NBAS: variants seen among roughly 807,000 people sequenced by gnomAD.
NBAS encodes NBAS subunit of NRZ tethering complex.
Under a neutral mutation model 302.5 loss-of-function variants are expected in NBAS, and 219 were observed. The observed-to-expected ratio is 0.72, with a 90% CI of 0.65 to 0.81. The LOEUF is 0.81. Among genes scored for constraint, NBAS ranks in the 30% least tolerant of loss-of-function variants. NBAS has a pLI of 0.00. For synonymous variants in NBAS, 1,118 were observed against 1,021.6 expected, an observed-to-expected ratio of 1.09 and a Z score of -1.80; for missense variants, 2,932 against 2,841.6, an observed-to-expected ratio of 1.03 and a Z score of -0.72.
At chr2:15,132,999 A>G in the NBAS span, among the ~76,000 whole-genome samples, 1 of 152,250 alleles carries the variant, frequency 6.6e-6, no homozygotes, top group Non-Finnish European at 1.5e-5. Flanking sequence ...ATATATTTGA[A>G]TAAGAAATAA....
chr2:15,198,648 G>C (rs373325020), intron 48 of NBAS, among the ~76,000 whole-genome samples: 1 of 152,182 alleles, frequency 6.6e-6, no homozygotes, highest in Non-Finnish European at 1.5e-5. Context: ...ACTGATGCCA[G>C]TTCCTCTGAG....
rs182473450 is a variant in NBAS at position 15,270,742 on chromosome 2, T to C, written c.5724+4742A>G. ...TTCTCAATTAACATAACTTAAAAAT[T>C]CTTTTACTGTATAATTTTTAAAAAC... is the stretch of plus-strand genomic sequence containing the variant. On this transcript the variant is annotated intron_variant, in intron 44 of 51. Coordinates refer to ENST00000281513, the MANE Select transcript of NBAS (RefSeq NM_015909.4). Among the ~76,000 whole-genome samples, 13 of 152,320 alleles carry C rather than the reference T, an allele frequency of 8.5e-5. No homozygotes were observed. In the South Asian group the frequency reaches 1.4e-3, roughly 17 times the overall value.
the NBAS span, among the ~76,000 whole-genome samples, chr2:14,993,301 G>A: frequency 1.4e-4 from 21 of 152,064 alleles, no homozygotes; most frequent in Non-Finnish European, 7.4e-5. Context: ...ACTCACAATG[G>A]TCCCGTTTAT....
chr2:14,945,179 A>T, the NBAS span, among the ~76,000 whole-genome samples: 1 of 152,298 alleles, frequency 6.6e-6, no homozygotes, highest in Admixed American at 6.5e-5. Flanking sequence ...CCCCTTTGGG[A>T]CTTCCCCCAT....
the NBAS span, among the ~76,000 whole-genome samples, chr2:14,979,319 G>A: frequency 6.6e-6 from 1 of 152,136 alleles, no homozygotes; most frequent in Non-Finnish European, 1.5e-5. Context: ...GTCTGCTAGT[G>A]TCCTCTTAGG....
At chr2:14,789,504 C>T in the NBAS span, among the ~76,000 whole-genome samples, 1 of 152,128 alleles carries the variant, frequency 6.6e-6, no homozygotes, top group Non-Finnish European at 1.5e-5. Flanking sequence ...TTCTAAAACT[C>T]TGATATTTTA....
chr2:15,020,984 C>T, the NBAS span, among the ~76,000 whole-genome samples: 1 of 152,178 alleles, frequency 6.6e-6, no homozygotes, highest in Non-Finnish European at 1.5e-5. Context: ...ATAATCCCAG[C>T]ACTTTGGTAG....
the NBAS span, among the ~76,000 whole-genome samples, chr2:14,921,301 A>G: frequency 3.2e-4 from 48 of 152,272 alleles, no homozygotes; most frequent in East Asian, 8.7e-3. Flanking sequence ...CAAAACAATT[A>G]TAATAGTAAC....
At chr2:14,876,767 T>C in the NBAS span, among the ~76,000 whole-genome samples, 8 of 152,230 alleles carry the variant, frequency 5.3e-5, no homozygotes, top group African/African-American at 1.9e-4. Context: ...TGTTGGCTGA[T>C]CATTCTTTTA....
the NBAS span, among the ~76,000 whole-genome samples, chr2:14,896,635 G>T: frequency 6.6e-6 from 1 of 151,908 alleles, no homozygotes; most frequent in Non-Finnish European, 1.5e-5. Context: ...GCAAAACCAG[G>T]AGCACTGACT....
the NBAS span, among the ~76,000 whole-genome samples, chr2:14,807,454 A>AGTGTGT: frequency 1.2e-4 from 18 of 147,342 alleles, no homozygotes; most frequent in African/African-American, 3.4e-4. Context: ...TGTGTGTGTG[A>AGTGTGT]GTGTGTGTGT....
chr2:15,425,639 T>C (rs1375103108), intron 22 of NBAS, among the ~76,000 whole-genome samples: 1 of 152,186 alleles, frequency 6.6e-6, no homozygotes, highest in African/African-American at 2.4e-5. Context: ...GGAATGGTCC[T>C]TCACTTACTA....
chr2:15,150,245 C>G, the NBAS span, among the ~76,000 whole-genome samples: 3 of 151,978 alleles, frequency 2.0e-5, no homozygotes, highest in Admixed American at 6.6e-5. Context: ...CTGATCATAC[C>G]TTTGGACTAT....
intron 9 of NBAS, among the ~76,000 whole-genome samples, chr2:15,515,708 A>T (rs1662357971): frequency 1.3e-5 from 2 of 152,366 alleles, no homozygotes; most frequent in South Asian, 4.1e-4. Context: ...CACAGTGTTC[A>T]GAACAGGCTT....
chr2:15,105,816 C>T, the NBAS span, among the ~76,000 whole-genome samples: 11 of 152,128 alleles, frequency 7.2e-5, no homozygotes, highest in African/African-American at 2.2e-4. Context: ...ATGTCCAGAT[C>T]GTATTTCTCC....
chr2:15,176,231 G>A (rs1371301010), intron 51 of NBAS, among the ~76,000 whole-genome samples: 1 of 152,178 alleles, frequency 6.6e-6, no homozygotes, highest in East Asian at 1.9e-4. Flanking sequence ...CCCTTTAATG[G>A]TGTTGGAAGA....
At chr2:14,871,147 G>T in the NBAS span, among the ~76,000 whole-genome samples, 4 of 151,572 alleles carry the variant, frequency 2.6e-5, no homozygotes, top group Non-Finnish European at 1.5e-5. Flanking sequence ...CAAATGATCA[G>T]CTTTGAGGCA....
chr2:15,299,635 A>G (rs1670706380), intron 40 of NBAS, among the ~76,000 whole-genome samples: 1 of 152,246 alleles, frequency 6.6e-6, no homozygotes, highest in South Asian at 2.1e-4. Flanking sequence ...TCCCTAGTCT[A>G]TAAAACTAAA....
At chr2:15,045,406 G>A in the NBAS span, among the ~76,000 whole-genome samples, 1 of 152,318 alleles carries the variant, frequency 6.6e-6, no homozygotes, top group African/African-American at 2.4e-5. Flanking sequence ...TGGTGCAGTT[G>A]GAGTGGCCTT....
Sources: gnomAD v4.1 joint callset for allele counts (sites outside exome capture counted in the v4.1 genomes callset) on GRCh38, gnomAD v4.1.1 for gene constraint, MANE v1.5 for transcripts, NCBI Gene and HGNC (gene_info 2026-07-23, HGNC 2026-07-21) for gene names.